ARHGEF9: variants seen among roughly 807,000 people sequenced by gnomAD.
The protein encoded by ARHGEF9 is Cdc42 guanine nucleotide exchange factor 9, also known as rho guanine nucleotide exchange factor 9.
Under a neutral mutation model 41.3 loss-of-function variants are expected in ARHGEF9, and 2 were observed. The observed-to-expected ratio is 0.05, with a 90% CI of 0.02 to 0.15. The LOEUF (loss-of-function observed/expected upper bound fraction) is 0.15, where lower values mean the gene tolerates loss of function less well. ARHGEF9 is among the 10% of genes least tolerant of loss of function. ARHGEF9 has a pLI of 1.00. For missense variants in ARHGEF9, 225 were observed against 424.7 expected (o/e 0.53, Z 4.13); for synonymous variants, 160 against 154.4 (o/e 1.04, Z -0.27).
chrX:63,756,957 C>A (rs1370336044), intron 1 of ARHGEF9, among the ~76,000 whole-genome samples: 2 of 112,052 alleles, frequency 1.8e-5, no homozygotes, highest in Non-Finnish European at 3.8e-5. Context: ...GTTACTAAAT[C>A]TCATGGCCAA....
chrX:63,684,558 T>C (rs2050859910), intron 4 of ARHGEF9, among the ~76,000 whole-genome samples: 1 of 111,219 alleles, frequency 9.0e-6, no homozygotes, highest in Non-Finnish European at 1.9e-5. Flanking sequence ...CTCACTACCT[T>C]GTAAAGATAT....
chrX:63,715,129 C>A (rs1316278817), intron 2 of ARHGEF9, among the ~76,000 whole-genome samples: 1 of 111,888 alleles, frequency 8.9e-6, no homozygotes, highest in Non-Finnish European at 1.9e-5. Flanking sequence ...ACACTCCACT[C>A]TACCCCTAAG....
intron 5 of ARHGEF9, among the ~76,000 whole-genome samples, chrX:63,674,786 T>G (rs1235293785): frequency 9.0e-6 from 1 of 111,439 alleles, no homozygotes; most frequent in Non-Finnish European, 1.9e-5. Flanking sequence ...TCAAGAGACT[T>G]TCCCCCCTAC....
chrX:63,765,066 C>T (rs1354331812), intron 1 of ARHGEF9, among the ~76,000 whole-genome samples: 1 of 111,495 alleles, frequency 9.0e-6, no homozygotes, highest in Non-Finnish European at 1.9e-5. Flanking sequence ...CCTTCCCACC[C>T]CCAGCATTCC....
intron 7 of ARHGEF9, among the ~76,000 whole-genome samples, chrX:63,658,957 A>C (rs1400485556): frequency 2.7e-5 from 3 of 111,768 alleles, no homozygotes; most frequent in African/African-American, 9.8e-5. Flanking sequence ...CTTCGAGGTC[A>C]AACTTACACA....
intron 8 of ARHGEF9, among the ~76,000 whole-genome samples, chrX:63,647,648 G>A (rs1229131975): frequency 2.7e-5 from 3 of 111,427 alleles, no homozygotes; most frequent in Non-Finnish European, 3.8e-5. Flanking sequence ...TTTTATTGAG[G>A]ATTTTTGCAT....
chrX:63,676,194 T>A (rs1556362001), intron 5 of ARHGEF9, among the ~76,000 whole-genome samples: 1 of 112,110 alleles, frequency 8.9e-6, no homozygotes, highest in African/African-American at 3.2e-5. Context: ...GAGCCATGGC[T>A]CTCAAACAAT....
chrX:63,699,341 G>A (rs1223424496), intron 3 of ARHGEF9, among the ~76,000 whole-genome samples: 8 of 111,780 alleles, frequency 7.2e-5, no homozygotes, highest in Middle Eastern at 4.7e-3. Context: ...AGAGGGCAGC[G>A]TAGATAGCTC....
chrX:63,698,367 C>G (rs2051920840), intron 3 of ARHGEF9, among the ~76,000 whole-genome samples: 1 of 110,121 alleles, frequency 9.1e-6, no homozygotes, highest in African/African-American at 3.3e-5. Flanking sequence ...AGGACAAAAA[C>G]AGCCCCAATC....
intron 7 of ARHGEF9, 87 bp downstream of exon 7, chrX:63,665,799 T>G: frequency 9.0e-7 from 1 of 1,113,194 alleles, no homozygotes; most frequent in Non-Finnish European, 1.2e-6. Flanking sequence ...TTTGCCCACT[T>G]TGTTGGGAGC....
At chrX:63,710,296 GAAAAAAA>G (rs75149222) in intron 2 of ARHGEF9, among the ~76,000 whole-genome samples, 45 of 22,723 alleles carry the variant, frequency 2.0e-3, no homozygotes, top group Middle Eastern at 0.083. Context: ...CCACATGGGA[GAAAAAAA>G]AAAAAAAAAA....
At chrX:63,749,137 C>T (rs565735479) in intron 1 of ARHGEF9, among the ~76,000 whole-genome samples, 7 of 112,608 alleles carry the variant, frequency 6.2e-5, no homozygotes, top group Non-Finnish European at 1.3e-4. Context: ...AGCAAAAGTG[C>T]TATACAAATG....
intron 3 of ARHGEF9, among the ~76,000 whole-genome samples, chrX:63,698,783 T>C (rs2051950253): frequency 8.9e-6 from 1 of 112,070 alleles, no homozygotes; most frequent in South Asian, 3.7e-4. Context: ...TTTAAATAGT[T>C]GGCAAATTAA....
chrX:63,715,580 T>C (rs2053239832), intron 2 of ARHGEF9, among the ~76,000 whole-genome samples: 1 of 112,286 alleles, frequency 8.9e-6, no homozygotes, highest in Non-Finnish European at 1.9e-5. Flanking sequence ...TTTCTGATCC[T>C]CCAGGATAGT....
chrX:63,641,036 T>G (rs1343693571), intron 9 of ARHGEF9: 4 of 111,044 alleles, frequency 3.6e-5, no homozygotes, highest in Non-Finnish European at 5.7e-5. Flanking sequence ...GGGAGGAGAT[T>G]TGTAGTAATC....
intron 5 of ARHGEF9, among the ~76,000 whole-genome samples, chrX:63,676,845 G>C (rs1257653056): frequency 8.9e-6 from 1 of 112,494 alleles, no homozygotes; most frequent in African/African-American, 3.2e-5. Flanking sequence ...AGTTGCACTA[G>C]CTATGTTTCT....
At chrX:63,694,669 G>A (rs1216340221) in intron 4 of ARHGEF9, among the ~76,000 whole-genome samples, 2 of 112,222 alleles carry the variant, frequency 1.8e-5, no homozygotes, top group Admixed American at 1.9e-4. Flanking sequence ...ATAAAAAGGA[G>A]ATCAATGTTT....
chrX:63,769,299 A>C (rs2056164011), intron 1 of ARHGEF9, among the ~76,000 whole-genome samples: 1 of 111,491 alleles, frequency 9.0e-6, no homozygotes, highest in Non-Finnish European at 1.9e-5. Flanking sequence ...TTAAAAAAAA[A>C]AATTTAGGGT....
chrX:63,780,638 AAAC>A (rs2056365313), intron 1 of ARHGEF9, among the ~76,000 whole-genome samples: 2 of 112,466 alleles, frequency 1.8e-5, no homozygotes, highest in African/African-American at 6.5e-5. Context: ...AACAAAAACA[AAAC>A]AAAACAACTT....
Sources: allele counts gnomAD v4.1 joint callset (sites outside exome capture counted in the v4.1 genomes callset), GRCh38; gene constraint gnomAD v4.1.1; transcripts MANE v1.5; gene names NCBI Gene and HGNC (gene_info 2026-07-23, HGNC 2026-07-21).